CHRM3: variants seen among roughly 807,000 people sequenced by gnomAD.
CHRM3 encodes muscarinic acetylcholine receptor M3.
A neutral mutation model predicts 41.8 loss-of-function variants in CHRM3; 11 were observed. The observed-to-expected ratio is 0.26, with a 90% CI of 0.17 to 0.44. The LOEUF is 0.44. CHRM3 is among the 20% of genes least tolerant of loss of function. The pLI, the probability that CHRM3 is intolerant of heterozygous loss-of-function variation, is 1.00. For missense variants in CHRM3, 571 were observed against 745.4 expected, an observed-to-expected ratio of 0.77 and a Z score of 2.72; for synonymous variants, 297 against 301.4, an observed-to-expected ratio of 0.99 and a Z score of 0.15.
chr1:239,389,550 T>G (rs1403498079), intron 1 of CHRM3, among the ~76,000 whole-genome samples: 3 of 152,210 alleles, frequency 2.0e-5, no homozygotes, highest in Non-Finnish European at 4.4e-5. Flanking sequence ...TTAATGATAT[T>G]TTAGCCTTTA....
chr1:239,871,109 A>C (rs1002233850), intron 6 of CHRM3, among the ~76,000 whole-genome samples: 1 of 152,134 alleles, frequency 6.6e-6, no homozygotes, highest in South Asian at 2.1e-4. Flanking sequence ...CGTTCAAGAA[A>C]AGTAGACAGT....
intron 5 of CHRM3, among the ~76,000 whole-genome samples, chr1:239,783,861 C>T (rs531986484): frequency 1.1e-3 from 174 of 152,244 alleles, no homozygotes; most frequent in African/African-American, 4.0e-3. Context: ...TCCCCACTTC[C>T]ACTCTACCCA....
chr1:239,614,961 A>G (rs1358884166), intron 3 of CHRM3, among the ~76,000 whole-genome samples: 5 of 152,074 alleles, frequency 3.3e-5, no homozygotes, highest in Non-Finnish European at 7.4e-5. Context: ...ACACAGTAGG[A>G]TTGTTGGAAT....
chr1:239,826,359 G>A (rs1672462896), intron 5 of CHRM3, among the ~76,000 whole-genome samples: 1 of 152,152 alleles, frequency 6.6e-6, no homozygotes, highest in African/African-American at 2.4e-5. Flanking sequence ...GGAAACATCG[G>A]ATGAGTAAAT....
intron 3 of CHRM3, among the ~76,000 whole-genome samples, chr1:239,582,676 T>C (rs1048901912): frequency 6.6e-6 from 1 of 152,116 alleles, no homozygotes; most frequent in Non-Finnish European, 1.5e-5. Context: ...ATCTCTTCAA[T>C]ACCATCCTCA....
At chr1:239,556,481 T>A (rs967952932) in intron 3 of CHRM3, among the ~76,000 whole-genome samples, 4 of 152,146 alleles carry the variant, frequency 2.6e-5, no homozygotes, top group African/African-American at 9.7e-5. Context: ...TTCCACTACT[T>A]CACATGGAAA....
At chr1:239,708,618 TTG>T (rs1193661874) in intron 5 of CHRM3, among the ~76,000 whole-genome samples, 1 of 152,088 alleles carries the variant, frequency 6.6e-6, no homozygotes, top group African/African-American at 2.4e-5. Context: ...TCCCATAATT[TTG>T]TGTGTTTATT....
intron 6 of CHRM3, among the ~76,000 whole-genome samples, chr1:239,884,804 G>A (rs1002110383): frequency 1.7e-4 from 26 of 152,140 alleles, no homozygotes; most frequent in African/African-American, 4.8e-4. Flanking sequence ...TAAAAAAGTC[G>A]TAAAGTTTTT....
At chr1:239,462,049 T>C (rs1665400362) in intron 1 of CHRM3, among the ~76,000 whole-genome samples, 1 of 152,202 alleles carries the variant, frequency 6.6e-6, no homozygotes, top group Admixed American at 6.6e-5. Context: ...AAAAATTATC[T>C]TTAATTTACT....
chr1:239,896,927 C>G (rs1225681991), intron 6 of CHRM3, among the ~76,000 whole-genome samples: 1 of 152,132 alleles, frequency 6.6e-6, no homozygotes, highest in Admixed American at 6.5e-5. Context: ...GTAAAGTCAA[C>G]CAGCCATAGA....
intron 3 of CHRM3, among the ~76,000 whole-genome samples, chr1:239,616,571 T>G (rs1667658299): frequency 2.0e-5 from 3 of 152,284 alleles, no homozygotes; most frequent in Admixed American, 2.0e-4. Flanking sequence ...AAAGATTTTT[T>G]TACAAGAAAA....
At chr1:239,775,340 G>A (rs552203547) in intron 5 of CHRM3, among the ~76,000 whole-genome samples, 1 of 152,094 alleles carries the variant, frequency 6.6e-6, no homozygotes, top group Non-Finnish European at 1.5e-5. Flanking sequence ...TTTTTAAGAG[G>A]TACAAGATTG....
At chr1:239,813,916 C>CAA (rs67147618) in intron 5 of CHRM3, among the ~76,000 whole-genome samples, 1 of 103,244 alleles carries the variant, frequency 9.7e-6, no homozygotes, top group African/African-American at 5.1e-5. Context: ...GACTCCGTCT[C>CAA]AAAAAAAAAA....
At chr1:239,752,082 G>A (rs1192872656) in intron 5 of CHRM3, among the ~76,000 whole-genome samples, 2 of 152,182 alleles carry the variant, frequency 1.3e-5, no homozygotes, top group Non-Finnish European at 2.9e-5. Context: ...TTCCAGGACA[G>A]TGAGTTCATC....
rs190225046 is a variant in CHRM3 at position 239,866,104 on chromosome 1, A to G, written c.-20+38726A>G. Among the ~76,000 whole-genome samples the G allele has an allele frequency of 8.6e-3, 1,306 of 152,200 alleles. 10 individuals are homozygous for G. Among genetic ancestry groups the G allele is most frequent in the Non-Finnish European group, 0.012 (843 of 68,004 alleles). ...ATTAAAAAGCTTGCCCAGGCCGGGC[A>G]CGGTGGCTCACGCCTGCAATCTCAG... On this transcript the variant is annotated intron_variant, in intron 6 of 6. Coordinates refer to ENST00000676153, the MANE Select transcript of CHRM3 (RefSeq NM_001375978.1).
At chr1:239,803,185 C>A (rs759929525) in intron 5 of CHRM3, among the ~76,000 whole-genome samples, 1 of 152,120 alleles carries the variant, frequency 6.6e-6, no homozygotes, top group South Asian at 2.1e-4. Flanking sequence ...AGGAAACATT[C>A]GCGTGTCTTA....
chr1:239,786,040 C>A (rs1668868209), intron 5 of CHRM3, among the ~76,000 whole-genome samples: 3 of 152,070 alleles, frequency 2.0e-5, no homozygotes, highest in Non-Finnish European at 4.4e-5. Context: ...AACATATTAT[C>A]TCAAGTTATT....
At position 239,404,733 on chromosome 1, in the gene CHRM3, TA is replaced by T. The variant is rs1558196575; in HGVS notation, c.-521+17507del. 1.3e-4 allele frequency among the ~76,000 whole-genome samples: 18 copies of T among 140,234 alleles called. No individual in the cohort carries two copies. The East Asian group carries it at 3.8e-3, about 29-fold the overall frequency. The allele number at this position is 140,234 out of a possible 152,430, so 92.0% of individuals were successfully genotyped here. On this transcript the variant is annotated intron_variant, in intron 1 of 6. Coordinates refer to ENST00000676153, the MANE Select transcript of CHRM3 (RefSeq NM_001375978.1). ...TGCTATATCTAAATATATATATATA[TA>T]TATATATATATATATATATATATGG...
At chr1:239,542,103 T>C (rs1658841427) in intron 2 of CHRM3, among the ~76,000 whole-genome samples, 1 of 152,138 alleles carries the variant, frequency 6.6e-6, no homozygotes, top group African/African-American at 2.4e-5. Context: ...CCGGAGATTA[T>C]AATTAATCAT....
Sources: allele counts gnomAD v4.1 joint callset (sites outside exome capture counted in the v4.1 genomes callset), GRCh38; gene constraint gnomAD v4.1.1; transcripts MANE v1.5; gene names NCBI Gene and HGNC (gene_info 2026-07-23, HGNC 2026-07-21).